Variants in CYP2S1 observed in about 807,000 individuals in gnomAD.
CYP2S1 encodes cytochrome P450 2S1.
A neutral mutation model predicts 43.5 loss-of-function variants in CYP2S1; 32 were observed. That is an observed-to-expected ratio of 0.74 (90% CI 0.56 to 0.99). The LOEUF (loss-of-function observed/expected upper bound fraction) is 0.99, where lower values mean the gene tolerates loss of function less well. Ranked by LOEUF, CYP2S1 falls within the 50% of genes least tolerant of loss-of-function variation. The pLI is 0.00. For missense variants in CYP2S1, 575 were observed against 673.9 expected (o/e 0.85, Z 1.62); for synonymous variants, 283 against 302.9 (o/e 0.93, Z 0.68).
chr19:41,195,668 A>G (rs1434316294), intron 2 of CYP2S1, among the ~76,000 whole-genome samples: 1 of 152,146 alleles, frequency 6.6e-6, no homozygotes, highest in Non-Finnish European at 1.5e-5. Flanking sequence ...GCTGAGACTC[A>G]TAAGATGAGT....
Position 41,195,531 on chromosome 19 carries a change from C to G in CYP2S1, c.343+822C>G, listed in dbSNP as rs532211080. Among the ~76,000 whole-genome samples the G allele has an allele frequency of 3.3e-5, 5 of 151,734 alleles. 1 individual carries two copies. The East Asian group carries it at 9.7e-4, about 29-fold the overall frequency. Reference sequence around the variant, plus strand: ...AGGTCAGGGTGGGATGGGGAGGGGTCAGGGCAAGAGGGGTCAGGGCCAGGC... The same window carrying G: ...AGGTCAGGGTGGGATGGGGAGGGGTGAGGGCAAGAGGGGTCAGGGCCAGGC... On this transcript the variant is annotated intron_variant, in intron 2 of 8. Coordinates refer to ENST00000310054, the MANE Select transcript of CYP2S1 (RefSeq NM_030622.8).
At chr19:41,197,480 C>T (rs1160192502) in intron 2 of CYP2S1, among the ~76,000 whole-genome samples, 1 of 152,038 alleles carries the variant, frequency 6.6e-6, no homozygotes, top group Non-Finnish European at 1.5e-5. Context: ...GTGGGTGGAT[C>T]ACAAGGTCAG....
In CYP2S1 at chr19:41,193,381, A is replaced by G. The variant is rs2033366966; in HGVS notation, c.117A>G (p.Leu39=). 1.3e-6 allele frequency: 2 copies of G among 1,531,294 alleles called. No individual in the cohort carries two copies. The highest frequency in any genetic ancestry group is 2.5e-5 in the East Asian group (1 of 39,626). 94.9% of individuals were successfully genotyped at this position (1,531,294 alleles called of 1,614,324 possible). A position where few individuals can be genotyped will look rare whatever the true frequency, so the allele number is the denominator to read the frequency against. The change falls in exon 1 of 9, where the codon CTA becomes CTG. Residue 39 remains leucine, a synonymous_variant. Coordinates refer to ENST00000310054, the MANE Select transcript of CYP2S1 (RefSeq NM_030622.8). ...RGHLPPGPTP[L]PLLGNLLQLR... ...ACCTGCCCCCCGGGCCCACGCCGCTACCACTGCTGGGAAACCTCCTGCAGC... is the reference window on the plus strand; with the variant it reads ...ACCTGCCCCCCGGGCCCACGCCGCTGCCACTGCTGGGAAACCTCCTGCAGC...
intron 7 of CYP2S1, among the ~76,000 whole-genome samples, chr19:41,205,425 T>TG (rs1555727606): frequency 1.2e-4 from 13 of 109,112 alleles, no homozygotes; most frequent in East Asian, 3.6e-4. Context: ...TCTTTCTCTC[T>TG]CTCTCTCTTT....
At chr19:41,200,525 A>G (rs1268048156) in intron 5 of CYP2S1, among the ~76,000 whole-genome samples, 1 of 151,976 alleles carries the variant, frequency 6.6e-6, no homozygotes. Context: ...GGTGCCCGTC[A>G]CCACGCCTGG....
At chr19:41,199,800 A>G (rs544384812) in intron 5 of CYP2S1, among the ~76,000 whole-genome samples, 1 of 151,774 alleles carries the variant, frequency 6.6e-6, no homozygotes, top group African/African-American at 2.4e-5. Context: ...CCCCATCTCT[A>G]CTAAAAAAAA....
rs769823734 is a variant in CYP2S1 at position 41,197,929 on chromosome 19, G to A, written c.493+1G>A. 1.2e-6 allele frequency: 2 copies of A among 1,610,640 alleles called. No individual in the cohort carries two copies. Among genetic ancestry groups the A allele is most frequent in the East Asian group, 2.2e-5 (1 of 44,816 alleles). Reference sequence around the variant, plus strand: ...GTGGAGACATTCCAGGGGACAGAAGGTCAGCATGGCGGGGTCACCCCAGGG... The same window carrying A: ...GTGGAGACATTCCAGGGGACAGAAGATCAGCATGGCGGGGTCACCCCAGGG... On this transcript the variant is annotated splice_donor_variant, in intron 3 of 8. Transcript: ENST00000310054. LOFTEE classifies it high-confidence loss of function.
In CYP2S1 at chr19:41,197,888, G is replaced by A. The variant is rs57266494; in HGVS notation, c.453G>A (p.Ala151=). The A allele has an allele frequency of 0.039, 62,336 of 1,613,882 alleles. 1,496 individuals carry two copies. Among genetic ancestry groups the A allele is most frequent in the Non-Finnish European group, 0.047 (55,724 of 1,179,916 alleles). The change falls in exon 3 of 9, where the codon GCG becomes GCA. Residue 151 remains alanine (A), a synonymous_variant. Transcript: ENST00000310054. The stretch of plus-strand genomic sequence containing the variant: ...GAGAAGGCGAGGAGCTGATCCAGGC[G>A]GAGGCCCGGTGTCTGGTGGAGACAT... ...GKREGEELIQ[A]EARCLVETFQ...
intron 2 of CYP2S1, among the ~76,000 whole-genome samples, chr19:41,196,394 T>C (rs1248663933): frequency 6.6e-6 from 1 of 152,160 alleles, no homozygotes. Context: ...CAGTCGATTT[T>C]AAGCAGGGAA....
chr19:41,205,355 T>TTTCTTTCTTTC (rs2033553447), intron 7 of CYP2S1, among the ~76,000 whole-genome samples: 1 of 98,364 alleles, frequency 1.0e-5, no homozygotes, highest in Admixed American at 8.6e-5. Flanking sequence ...TCTTTCTTTC[T>TTTCTTTCTTTC]TTCTTTCTTT....
Position 41,193,317 on chromosome 19 carries a change from T to C in CYP2S1, c.53T>C (p.Leu18Pro). Residue 18 changes from leucine (L) to proline (P), a missense_variant, in exon 1 of 9, where the codon CTG becomes CCG. Physicochemically the swap from Leu to Pro is moderately conservative, Grantham distance 98. Around this residue, in one of 2 missense-constraint regions of CYP2S1, gnomAD observed 353 missense variants for 367.6 expected, o/e 0.96. Transcript: ENST00000310054. ...ALLLALALLL[L>P]LTLALSGTRA... The stretch of plus-strand genomic sequence containing the variant: ...CTGCTGGCGCTGGCGCTGCTCCTGC[T>C]GCTGACGCTGGCGCTGTCCGGGACC... 1 of 1,541,636 alleles carries C rather than the reference T, an allele frequency of 6.5e-7. No homozygotes were observed. Among genetic ancestry groups the C allele is most frequent in the Non-Finnish European group, 8.7e-7 (1 of 1,144,024 alleles).
chr19:41,196,531 A>T (rs2033415062), intron 2 of CYP2S1, among the ~76,000 whole-genome samples: 1 of 151,866 alleles, frequency 6.6e-6, no homozygotes, highest in Non-Finnish European at 1.5e-5. Flanking sequence ...GCGGTGATGG[A>T]CCAGGGCTGG....
chr19:41,197,037 G>A (rs145044080), intron 2 of CYP2S1, among the ~76,000 whole-genome samples: 93 of 152,070 alleles, frequency 6.1e-4, no homozygotes, highest in African/African-American at 2.0e-3. Context: ...CTCTACTGAA[G>A]ATATAAAATT....
Position 41,201,237 on chromosome 19 carries a change from C to A in CYP2S1, c.841C>A (p.Gln281Lys). The A allele has an allele frequency of 1.2e-6, 2 of 1,614,018 alleles. No individual in the cohort carries two copies. The highest frequency in any genetic ancestry group is 1.7e-6 in the Non-Finnish European group (2 of 1,179,928). Residue 281 changes from glutamine to lysine, a missense_variant, in exon 6 of 9, where the codon CAA becomes AAA. Physicochemically the swap from Gln to Lys is moderately conservative, Grantham distance 53. This residue lies in a region of CYP2S1 where 222 missense variants were observed against 306.3 expected (regional missense o/e 0.72). Coordinates refer to ENST00000310054, the MANE Select transcript of CYP2S1 (RefSeq NM_030622.8). ...AFLLKMAQEE[Q>K]NPGTEFTNKN... is the part of the protein sequence containing the mutation. ...TCTGCCTGGTTTCTTTCAGGAGGAA[C>A]AAAACCCAGGCACAGAATTCACCAA...
chr19:41,194,859 A>T, intron 2 of CYP2S1, 150 bp downstream of exon 2: 4 of 1,219,664 alleles, frequency 3.3e-6, no homozygotes, highest in Non-Finnish European at 4.4e-6. Flanking sequence ...CTAGTGCCTG[A>T]AATCCCAACA....
Position 41,198,008 on chromosome 19 carries a change from A to C in CYP2S1, c.493+80A>C. ...CCTACTGTGGCTGGGGGTGGCCCCA[A>C]CCCAGGTCCTGGAATGGGCAGGAGG... is the stretch of plus-strand genomic sequence containing the variant. On this transcript the variant is annotated intron_variant, in intron 3 of 8. Coordinates refer to ENST00000310054, the MANE Select transcript of CYP2S1 (RefSeq NM_030622.8). This position sits in a 1 kb window ranked among gnomAD's most constrained non-coding sequence, Gnocchi z 4.9. 6.7e-7 allele frequency: 1 copy of C among 1,492,874 alleles called. No homozygotes were observed. The highest frequency in any genetic ancestry group is 1.3e-5 in the South Asian group (1 of 74,780). The allele number at this position is 1,492,874 out of a possible 1,614,324, so 92.5% of individuals were successfully genotyped here.
intron 7 of CYP2S1, among the ~76,000 whole-genome samples, chr19:41,204,105 C>A (rs1467143960): frequency 6.6e-6 from 1 of 152,154 alleles, no homozygotes; most frequent in African/African-American, 2.4e-5. Context: ...TCGTGATCTG[C>A]CCGCTTCGGC....
intron 6 of CYP2S1, 118 bp downstream of exon 6, chr19:41,201,490 G>A: frequency 4.3e-6 from 6 of 1,403,462 alleles, no homozygotes; most frequent in Non-Finnish European, 4.8e-6. Context: ...CTGATCACTT[G>A]AGAATAGGAG....
chr19:41,197,559 G>T (rs2033427742), intron 2 of CYP2S1, among the ~76,000 whole-genome samples: 1 of 151,974 alleles, frequency 6.6e-6, no homozygotes, highest in South Asian at 2.1e-4. Flanking sequence ...AATGAGCCAG[G>T]CATGGTGGCG....
Sources: allele counts gnomAD v4.1 joint callset (sites outside exome capture counted in the v4.1 genomes callset), GRCh38; gene constraint gnomAD v4.1.1; regional missense constraint gnomAD v4.1.1; non-coding constraint Gnocchi (gnomAD v3.1); transcripts MANE v1.5; gene names NCBI Gene and HGNC (gene_info 2026-07-23, HGNC 2026-07-21).